Variants in UBASH3B observed in about 807,000 individuals in gnomAD.
The protein encoded by UBASH3B is ubiquitin-associated and SH3 domain-containing protein B.
In UBASH3B, 37 loss-of-function variants were observed where a neutral mutation model predicts 83.4. The ratio of observed to expected loss-of-function variants is 0.44; its 90% CI spans 0.34 to 0.58. UBASH3B has a LOEUF of 0.58. Among genes scored for constraint, UBASH3B ranks in the 20% least tolerant of loss-of-function variants. The pLI is 0.01. For missense variants in UBASH3B, 657 were observed against 827.2 expected (o/e 0.79, Z 2.52); for synonymous variants, 304 against 318.3 (o/e 0.96, Z 0.48).
chr11:122,798,992 C>T lies in UBASH3B; in HGVS notation c.1408C>T (p.Pro470Ser), dbSNP rs1389154614. The change falls in exon 10 of 14, where the codon CCG becomes TCG. Residue 470 changes from proline (P) to serine (S), a missense_variant. Pro to Ser is a moderately conservative substitution (Grantham distance 74). Coordinates refer to ENST00000284273, the MANE Select transcript of UBASH3B (RefSeq NM_032873.5). ...CATTATCGATCATGTCTATTGCTCC[C>T]CGTCCCTTCGCTGCGTTCAGACTGC... is the stretch of plus-strand genomic sequence containing the variant. ...NTIIDHVYCS[P>S]SLRCVQTAHN... The T allele has an allele frequency of 5.0e-6, 8 of 1,613,960 alleles. No homozygotes were observed. Among genetic ancestry groups the T allele is most frequent in the Non-Finnish European group, 6.8e-6 (8 of 1,180,014 alleles).
In UBASH3B at chr11:122,693,384, C is replaced by T. The variant is rs548491398; in HGVS notation, c.161+37174C>T. Among the ~76,000 whole-genome samples, 338 of 152,236 alleles carry T rather than the reference C, an allele frequency of 2.2e-3. 1 individual carries two copies. The highest frequency in any genetic ancestry group is 6.8e-3 in the Middle Eastern group (2 of 294). On this transcript the variant is annotated intron_variant, in intron 1 of 13. Coordinates refer to ENST00000284273, the MANE Select transcript of UBASH3B (RefSeq NM_032873.5). ...TGTGTGGTGGGCACACTGAGAAGAACGTCTATTCTCCACCCAGAGTGGTAA... is the reference window on the plus strand; with the variant it reads ...TGTGTGGTGGGCACACTGAGAAGAATGTCTATTCTCCACCCAGAGTGGTAA...
chr11:122,662,972 C>CTTTTTT (rs568564848), intron 1 of UBASH3B, among the ~76,000 whole-genome samples: 1,335 of 110,538 alleles, frequency 0.012, 90 homozygotes, highest in African/African-American at 0.046. Context: ...GCGCTAATGT[C>CTTTTTT]TTTTTTTTTT....
chr11:122,782,342 T>G (rs547265504), intron 4 of UBASH3B: 2 of 152,344 alleles, frequency 1.3e-5, no homozygotes, highest in African/African-American at 4.8e-5. Context: ...TAACAGTCTG[T>G]ATACTTTAAA....
At chr11:122,737,747 C>T (rs1233854019) in intron 1 of UBASH3B, among the ~76,000 whole-genome samples, 1 of 151,830 alleles carries the variant, frequency 6.6e-6, no homozygotes. Context: ...AGGTTTAGTG[C>T]AAGCAAGATA....
At chr11:122,733,985 A>G (rs565301867) in intron 1 of UBASH3B, among the ~76,000 whole-genome samples, 1 of 152,068 alleles carries the variant, frequency 6.6e-6, no homozygotes, top group Non-Finnish European at 1.5e-5. Flanking sequence ...TCCTGTGTCC[A>G]AGCAATTCTC....
chr11:122,801,080 A>G lies in UBASH3B; in HGVS notation c.1451-108A>G, dbSNP rs1001711527. On this transcript the variant is annotated intron_variant, in intron 10 of 13. Coordinates refer to ENST00000284273, the MANE Select transcript of UBASH3B (RefSeq NM_032873.5). ...TGCTTCCATTTCTGTTTAGCTATAT[A>G]TAGCAGCCAGTAGGAAAGAGAATAG... 5.1e-6 allele frequency: 7 copies of G among 1,367,598 alleles called. No homozygotes were observed. The Admixed American group carries it at 6.0e-5, about 12-fold the overall frequency. 84.7% of individuals were successfully genotyped at this position (1,367,598 alleles called of 1,614,324 possible). A position where few individuals can be genotyped will look rare whatever the true frequency, so the allele number is the denominator to read the frequency against.
At chr11:122,798,915 C>A in intron 9 of UBASH3B, 27 bp from the exon 10 acceptor site, 4 of 1,604,756 alleles carry the variant, frequency 2.5e-6, no homozygotes, top group Non-Finnish European at 3.4e-6. Flanking sequence ...ATCCATCAGA[C>A]TGATTTTTTT....
intron 1 of UBASH3B, among the ~76,000 whole-genome samples, chr11:122,741,015 A>G (rs7107934): frequency 0.6 from 91,607 of 152,064 alleles, 28,420 homozygotes; most frequent in African/African-American, 0.76. Context: ...TTCAAAGCGC[A>G]TATTAACATA....
intron 1 of UBASH3B, among the ~76,000 whole-genome samples, chr11:122,699,255 T>G (rs1315260179): frequency 6.6e-6 from 1 of 152,238 alleles, no homozygotes; most frequent in Non-Finnish European, 1.5e-5. Context: ...TTAATCCTCA[T>G]GGCAACACTC....
At position 122,655,876 on chromosome 11, in the gene UBASH3B, C is replaced by T. The variant is rs1291712004; in HGVS notation, c.-174C>T. 8 of 695,932 alleles carry T rather than the reference C, an allele frequency of 1.1e-5. No individual in the cohort carries two copies. The Admixed American group carries it at 1.2e-4, about 10-fold the overall frequency. 43.1% of individuals were successfully genotyped at this position (695,932 alleles called of 1,614,324 possible). A position where few individuals can be genotyped will look rare whatever the true frequency, so the allele number is the denominator to read the frequency against. On this transcript the variant is annotated 5_prime_UTR_variant, in exon 1 of 14. Coordinates refer to ENST00000284273, the MANE Select transcript of UBASH3B (RefSeq NM_032873.5). ...GGCGTTCTGGCTCCTGTGGCCTCAC[C>T]AGGAAGCGTCAGAGTCCCGACACTG...
chr11:122,719,271 T>C (rs1591784818), intron 1 of UBASH3B, among the ~76,000 whole-genome samples: 1 of 152,222 alleles, frequency 6.6e-6, no homozygotes, highest in East Asian at 1.9e-4. Flanking sequence ...AGATGATTGG[T>C]TTAGATACCC....
chr11:122,786,546 A>G (rs1264271747), intron 5 of UBASH3B, among the ~76,000 whole-genome samples: 1 of 152,120 alleles, frequency 6.6e-6, no homozygotes, highest in Non-Finnish European at 1.5e-5. Flanking sequence ...AGTCCCAGCT[A>G]CTCGGGAGGC....
At chr11:122,805,113 T>C (rs1288585811) in intron 11 of UBASH3B, among the ~76,000 whole-genome samples, 1 of 152,144 alleles carries the variant, frequency 6.6e-6, no homozygotes, top group African/African-American at 2.4e-5. Flanking sequence ...TAACTGGACT[T>C]ATAGTTACAT....
chr11:122,790,337 T>C (rs992903666), intron 6 of UBASH3B, among the ~76,000 whole-genome samples: 3 of 151,256 alleles, frequency 2.0e-5, no homozygotes, highest in African/African-American at 7.3e-5. Flanking sequence ...CAGCAATCCC[T>C]CCCCCTCTCC....
At chr11:122,800,351 C>A (rs1473077156) in intron 10 of UBASH3B, among the ~76,000 whole-genome samples, 1 of 135,538 alleles carries the variant, frequency 7.4e-6, no homozygotes. Flanking sequence ...CATCCTGGCT[C>A]ACACGGTGAA....
intron 1 of UBASH3B, among the ~76,000 whole-genome samples, chr11:122,740,970 A>T (rs1861013633): frequency 1.3e-5 from 2 of 152,210 alleles, no homozygotes; most frequent in African/African-American, 4.8e-5. Flanking sequence ...CTAATTAAAA[A>T]CAAATCGTTC....
chr11:122,728,417 G>A (rs11218782), intron 1 of UBASH3B, among the ~76,000 whole-genome samples: 54,719 of 152,046 alleles, frequency 0.36, 10,131 homozygotes, highest in East Asian at 0.54. Flanking sequence ...GGAATTAAGC[G>A]TAGCTGACAG....
Position 122,667,465 on chromosome 11 carries a change from T to C in UBASH3B, c.161+11255T>C, listed in dbSNP as rs1458375313. 8.5e-5 allele frequency among the ~76,000 whole-genome samples: 13 copies of C among 152,214 alleles called. No individual in the cohort carries two copies. In the East Asian group the frequency reaches 2.5e-3, roughly 29 times the overall value. ...AGAGTATAAAGATAATTAGCTATAA[T>C]CTCCACCCTCAGGAAACTGGCAATC... On this transcript the variant is annotated intron_variant, in intron 1 of 13. Transcript: ENST00000284273.
intron 6 of UBASH3B, among the ~76,000 whole-genome samples, chr11:122,793,621 A>G (rs762590046): frequency 2.6e-5 from 4 of 152,226 alleles, no homozygotes; most frequent in Non-Finnish European, 5.9e-5. Flanking sequence ...CCATATTTAC[A>G]TTGCAATGTT....
Sources: allele counts gnomAD v4.1 joint callset (sites outside exome capture counted in the v4.1 genomes callset), GRCh38; gene constraint gnomAD v4.1.1; transcripts MANE v1.5; gene names NCBI Gene and HGNC (gene_info 2026-07-23, HGNC 2026-07-21).